HPCAL1: variants seen among roughly 807,000 people sequenced by gnomAD.
The protein encoded by HPCAL1 is hippocalcin-like protein 1.
In HPCAL1, 8 loss-of-function variants were observed where a neutral mutation model predicts 17.1. The observed-to-expected ratio is 0.47, with a 90% CI of 0.27 to 0.84. The LOEUF is 0.84. Among genes scored for constraint, HPCAL1 ranks in the 40% least tolerant of loss-of-function variants. The pLI is 0.13. For missense variants in HPCAL1, 165 were observed against 271.1 expected, an observed-to-expected ratio of 0.61 and a Z score of 2.75; for synonymous variants, 112 against 111.4, an observed-to-expected ratio of 1.01 and a Z score of -0.03.
intron 1 of HPCAL1, among the ~76,000 whole-genome samples, chr2:10,357,342 C>A (rs1230825325): frequency 6.6e-6 from 1 of 152,228 alleles, no homozygotes; most frequent in Non-Finnish European, 1.5e-5. Context: ...CTTTCTCCTG[C>A]GTGCTTTCCC....
chr2:10,338,846 G>A (rs1425902813), intron 1 of HPCAL1, among the ~76,000 whole-genome samples: 2 of 152,242 alleles, frequency 1.3e-5, no homozygotes, highest in African/African-American at 4.8e-5. Context: ...GCATGGTGCA[G>A]TGGTGGGGTT....
intron 1 of HPCAL1, among the ~76,000 whole-genome samples, chr2:10,306,850 C>T (rs1299715484): frequency 6.6e-6 from 1 of 152,214 alleles, no homozygotes; most frequent in Admixed American, 6.5e-5. Flanking sequence ...GGCAAAGCTT[C>T]ACATCGGAGG....
chr2:10,375,798 G>C (rs1199313352), intron 1 of HPCAL1, among the ~76,000 whole-genome samples: 1 of 152,194 alleles, frequency 6.6e-6, no homozygotes, highest in African/African-American at 2.4e-5. Context: ...GCAGGTGCTG[G>C]CTCCCTTACG....
At chr2:10,324,531 A>C (rs1254054433) in intron 1 of HPCAL1, 1 of 152,176 alleles carries the variant, frequency 6.6e-6, no homozygotes, top group Non-Finnish European at 1.5e-5. Flanking sequence ...GCCATTCAGC[A>C]CTTCTCAAAA....
At chr2:10,334,236 C>CG (rs1276341799) in intron 1 of HPCAL1, among the ~76,000 whole-genome samples, 231 of 152,314 alleles carry the variant, frequency 1.5e-3, no homozygotes, top group African/African-American at 5.5e-3. Context: ...GTAATCCCAG[C>CG]TCTTCGGGAG....
chr2:10,336,197 C>T (rs1200034836), intron 1 of HPCAL1, among the ~76,000 whole-genome samples: 2 of 151,988 alleles, frequency 1.3e-5, no homozygotes, highest in Admixed American at 6.5e-5. Flanking sequence ...TGCGTATCCT[C>T]TGCTGTAAAT....
chr2:10,307,184 G>T (rs1662681575), intron 1 of HPCAL1, among the ~76,000 whole-genome samples: 1 of 152,164 alleles, frequency 6.6e-6, no homozygotes, highest in African/African-American at 2.4e-5. Context: ...ACTCAGGATT[G>T]TTAAATACGT....
chr2:10,378,997 T>C (rs886969531), intron 1 of HPCAL1, among the ~76,000 whole-genome samples: 1 of 152,154 alleles, frequency 6.6e-6, no homozygotes, highest in Non-Finnish European at 1.5e-5. Flanking sequence ...GCTTTTTCTT[T>C]CCACTTAAGA....
At chr2:10,335,421 G>C (rs141458707) in intron 1 of HPCAL1, among the ~76,000 whole-genome samples, 1 of 152,140 alleles carries the variant, frequency 6.6e-6, no homozygotes, top group Admixed American at 6.6e-5. Flanking sequence ...ATCTCCATCC[G>C]CTCCCCACTC....
intron 1 of HPCAL1, among the ~76,000 whole-genome samples, chr2:10,368,347 T>G (rs1666993851): frequency 6.7e-6 from 1 of 149,900 alleles, no homozygotes; most frequent in Non-Finnish European, 1.5e-5. Flanking sequence ...GTGTGTAGGT[T>G]TGTGTGTGTG....
chr2:10,353,093 G>A (rs1262897931), intron 1 of HPCAL1, among the ~76,000 whole-genome samples: 2 of 152,190 alleles, frequency 1.3e-5, no homozygotes. Flanking sequence ...GCAGGCAGTC[G>A]TGCCGATGCA....
intron 4 of HPCAL1, chr2:10,426,458 A>G: frequency 2.2e-6 from 1 of 450,390 alleles, no homozygotes. Flanking sequence ...AAAGGATTTA[A>G]ATGGCCCTCA....
At chr2:10,404,124 A>G (rs1558523003) in intron 2 of HPCAL1, among the ~76,000 whole-genome samples, 1 of 152,184 alleles carries the variant, frequency 6.6e-6, no homozygotes, top group Non-Finnish European at 1.5e-5. Flanking sequence ...AGAGGTTTGT[A>G]GCAGGGACAA....
chr2:10,355,445 C>T (rs1289515690), intron 1 of HPCAL1, among the ~76,000 whole-genome samples: 8 of 89,522 alleles, frequency 8.9e-5, no homozygotes, highest in Admixed American at 4.5e-4. Flanking sequence ...AGCGAGACTC[C>T]GTCTCAAAAA....
chr2:10,312,210 CAA>C (rs1663016355), intron 1 of HPCAL1, among the ~76,000 whole-genome samples: 2 of 25,682 alleles, frequency 7.8e-5, no homozygotes, highest in Non-Finnish European at 1.9e-4. Flanking sequence ...CTGTCATCAT[CAA>C]CATCCATCAT....
chr2:10,392,830 C>T (rs1230270325), intron 1 of HPCAL1, among the ~76,000 whole-genome samples: 1 of 152,178 alleles, frequency 6.6e-6, no homozygotes, highest in Non-Finnish European at 1.5e-5. Flanking sequence ...GGGCCTAAGG[C>T]CTGACATGAA....
chr2:10,384,816 G>A lies in HPCAL1; in HGVS notation c.-110-12019G>A, dbSNP rs77261000. On this transcript the variant is annotated intron_variant, in intron 1 of 4. Coordinates refer to ENST00000307845, the MANE Select transcript of HPCAL1 (RefSeq NM_002149.4). The surrounding 1 kb of genome is among the most constrained non-coding windows in gnomAD (Gnocchi z 4.4). ...AGCTGAGCAGACTGAAATCAAAGATGTGAAAATAAAGATAGAGGCGACAGG... is the reference window on the plus strand; with the variant it reads ...AGCTGAGCAGACTGAAATCAAAGATATGAAAATAAAGATAGAGGCGACAGG... 5.9e-5 allele frequency among the ~76,000 whole-genome samples: 9 copies of A among 152,160 alleles called. No individual in the cohort carries two copies. The highest frequency in any genetic ancestry group is 2.2e-4 in the African/African-American group (9 of 41,452).
At chr2:10,425,237 T>C (rs2148050064) in intron 4 of HPCAL1, 1 of 153,466 alleles carries the variant, frequency 6.5e-6, no homozygotes. Context: ...ACCACACAGC[T>C]GGCTGCCCTG....
rs975712175 is a variant in HPCAL1, at chr2:10,359,333, T to C, written c.-110-37502T>C. Among the ~76,000 whole-genome samples, 6 of 152,292 alleles carry C rather than the reference T, an allele frequency of 3.9e-5. 1 individual carries two copies. In the East Asian group the frequency reaches 9.7e-4, roughly 25 times the overall value. On this transcript the variant is annotated intron_variant, in intron 1 of 4. Transcript: ENST00000307845. This position sits in a 1 kb window ranked among gnomAD's most constrained non-coding sequence, Gnocchi z 4.1. ...GGACCCTGCGGCTGGCATGGGTTAGTGGCTCCGTGTCACCTGGTTCCTCTC... is the reference window on the plus strand; with the variant it reads ...GGACCCTGCGGCTGGCATGGGTTAGCGGCTCCGTGTCACCTGGTTCCTCTC...
Sources: gnomAD v4.1 joint callset for allele counts (sites outside exome capture counted in the v4.1 genomes callset) on GRCh38, gnomAD v4.1.1 for gene constraint, Gnocchi (gnomAD v3.1) non-coding constraint, MANE v1.5 for transcripts, NCBI Gene and HGNC (gene_info 2026-07-23, HGNC 2026-07-21) for gene names.